SMC5: variants seen among roughly 807,000 people sequenced by gnomAD.
SMC5 encodes structural maintenance of chromosomes protein 5.
A neutral mutation model predicts 148.3 loss-of-function variants in SMC5; 88 were observed. The ratio of observed to expected loss-of-function variants is 0.59; its 90% confidence interval spans 0.50 to 0.71. The LOEUF is 0.71. Ranked by LOEUF, SMC5 falls within the 30% of genes least tolerant of loss-of-function variation. SMC5 has a pLI of 0.00. For missense variants in SMC5, 1,142 were observed against 1,298.9 expected (o/e 0.88, Z 1.86); for synonymous variants, 421 against 432.8 (o/e 0.97, Z 0.34).
At chr9:70,318,118 C>G (rs1221006363) in intron 13 of SMC5, among the ~76,000 whole-genome samples, 1 of 152,112 alleles carries the variant, frequency 6.6e-6, no homozygotes, top group Non-Finnish European at 1.5e-5. Context: ...TGCAGTGGCT[C>G]ACATCTGTAA....
chr9:70,294,981 T>C (rs765067474), intron 8 of SMC5, among the ~76,000 whole-genome samples: 6 of 152,156 alleles, frequency 3.9e-5, no homozygotes, highest in Non-Finnish European at 7.4e-5. Flanking sequence ...TGACAAAGTC[T>C]GACCCCAAGA....
At chr9:70,287,551 T>C (rs1222182091) in intron 8 of SMC5, among the ~76,000 whole-genome samples, 1 of 152,178 alleles carries the variant, frequency 6.6e-6, no homozygotes, top group Non-Finnish European at 1.5e-5. Context: ...GGGGTAGACA[T>C]GTAACTTCAG....
At position 70,287,485 on chromosome 9, in the gene SMC5, T is replaced by G. The variant is rs148478048; in HGVS notation, c.1053+1214T>G. ...TTGCTAACAGATGCCCAAATATATG[T>G]GTGTTTCTATTCTTCAGGACCATTC... On this transcript the variant is annotated intron_variant, in intron 8 of 24. Transcript: ENST00000361138. Among the ~76,000 whole-genome samples, 3 of 152,266 alleles carry G rather than the reference T, an allele frequency of 2.0e-5. No individual in the cohort carries two copies. In the East Asian group the frequency reaches 5.8e-4, roughly 29 times the overall value.
chr9:70,259,749 A>T (rs1412070626), intron 1 of SMC5, among the ~76,000 whole-genome samples: 1 of 152,164 alleles, frequency 6.6e-6, no homozygotes, highest in Non-Finnish European at 1.5e-5. Context: ...GTACAAAAAA[A>T]TTAAACACTT....
At chr9:70,287,809 T>C (rs1227230711) in intron 8 of SMC5, among the ~76,000 whole-genome samples, 14 of 152,180 alleles carry the variant, frequency 9.2e-5, no homozygotes, top group Non-Finnish European at 7.3e-5. Flanking sequence ...TACTTGGCAT[T>C]TCCTAGTCCT....
chr9:70,292,294 T>G (rs2035083942), intron 8 of SMC5, among the ~76,000 whole-genome samples: 1 of 152,200 alleles, frequency 6.6e-6, no homozygotes, highest in South Asian at 2.1e-4. Context: ...TTGAATCTTC[T>G]GGTCTATGAA....
rs577794579 is a variant in SMC5 at position 70,283,625 on chromosome 9, C to T, written c.981+1042C>T. On this transcript the variant is annotated intron_variant, in intron 7 of 24. Coordinates refer to ENST00000361138, the MANE Select transcript of SMC5 (RefSeq NM_015110.4). The stretch of plus-strand genomic sequence containing the variant: ...TATGAAACCAGAAAACCATTCACAA[C>T]CTTTGTGTACTGTATACCCCTGATG... 1.5e-4 allele frequency among the ~76,000 whole-genome samples: 23 copies of T among 152,196 alleles called. No homozygotes were observed. In the South Asian group the frequency reaches 4.6e-3, roughly 30 times the overall value.
chr9:70,309,219 A>C (rs2035589985), intron 11 of SMC5, among the ~76,000 whole-genome samples: 2 of 152,002 alleles, frequency 1.3e-5, no homozygotes, highest in South Asian at 4.2e-4. Context: ...AGAAGACAAC[A>C]ATAAAATTTA....
chr9:70,264,233 C>A, intron 1 of SMC5, 71 bp from the exon 2 acceptor site: 1 of 1,408,798 alleles, frequency 7.1e-7, no homozygotes, highest in Non-Finnish European at 9.7e-7. Context: ...TGAGGAAGCT[C>A]ATAGATAATG....
intron 9 of SMC5, among the ~76,000 whole-genome samples, 177 bp from the exon 10 acceptor site, chr9:70,299,869 G>A (rs895466719): frequency 6.6e-6 from 1 of 151,558 alleles, no homozygotes; most frequent in African/African-American, 2.4e-5. Context: ...TGTTTTCCCA[G>A]GTTTTTGGAC....
chr9:70,354,392 A>AT lies in SMC5; in HGVS notation c.*2067dup, dbSNP rs1327078149. The AT allele has an allele frequency of 6.6e-6, 1 of 151,966 alleles. No homozygotes were observed. Among genetic ancestry groups the AT allele is most frequent in the Non-Finnish European group, 1.5e-5 (1 of 68,004 alleles). 9.4% of individuals were successfully genotyped at this position (151,966 alleles called of 1,614,324 possible). On this transcript the variant is annotated 3_prime_UTR_variant, in exon 25 of 25. Transcript: ENST00000361138. ...AGGCGCGTCCCACCACACCCAGCTAATTTTTTATACTTTTAGTAGAGATGG... is the reference window on the plus strand; with the variant it reads ...AGGCGCGTCCCACCACACCCAGCTAATTTTTTTATACTTTTAGTAGAGATGG...
At chr9:70,308,492 G>C (rs2035565539) in intron 11 of SMC5, among the ~76,000 whole-genome samples, 1 of 148,772 alleles carries the variant, frequency 6.7e-6, no homozygotes. Context: ...TACTTGGAGA[G>C]GCTGAGGCAG....
intron 11 of SMC5, among the ~76,000 whole-genome samples, chr9:70,306,758 T>C (rs1478581625): frequency 6.6e-6 from 1 of 152,230 alleles, no homozygotes; most frequent in Non-Finnish European, 1.5e-5. Context: ...ACCTGTATTC[T>C]TTTTTCTTGT....
chr9:70,285,122 G>T (rs951311501), intron 7 of SMC5, among the ~76,000 whole-genome samples: 5 of 152,124 alleles, frequency 3.3e-5, no homozygotes, highest in Admixed American at 6.5e-5. Context: ...ACTAGCATCA[G>T]AAAATTAATT....
At chr9:70,297,287 G>A (rs186018585) in intron 8 of SMC5, among the ~76,000 whole-genome samples, 18 of 152,256 alleles carry the variant, frequency 1.2e-4, no homozygotes, top group Non-Finnish European at 1.8e-4. Flanking sequence ...TAAAGGTGTC[G>A]CTGTCTCAGC....
At chr9:70,302,506 T>A (rs186519759) in intron 10 of SMC5, among the ~76,000 whole-genome samples, 21,691 of 139,796 alleles carry the variant, frequency 0.16, 1,899 homozygotes, top group African/African-American at 0.24. Flanking sequence ...AAAAAAAATA[T>A]ATATATATAT....
chr9:70,282,614 G>T (rs781051122), intron 7 of SMC5, 31 bp downstream of exon 7: 8 of 1,529,470 alleles, frequency 5.2e-6, no homozygotes, highest in Non-Finnish European at 6.1e-6. Flanking sequence ...TGGATTATCT[G>T]AATTTTATTT....
Position 70,286,202 on chromosome 9 carries a change from A to G in SMC5, c.984A>G (p.Ala328=), listed in dbSNP as rs747558376. ...CTCTCCCCGGTTTAATTTTACAGGCAACAGATATTAAGGAGGCATCTCAAA... is the reference window on the plus strand; with the variant it reads ...CTCTCCCCGGTTTAATTTTACAGGCGACAGATATTAAGGAGGCATCTCAAA... ...HNLEARIKEK[A]TDIKEASQKC... is the part of the protein sequence containing the mutation. Residue 328 remains alanine, a splice_region_variant and synonymous_variant, in exon 8 of 25, where the codon GCA becomes GCG. Transcript: ENST00000361138. 5 of 1,286,110 alleles carry G rather than the reference A, an allele frequency of 3.9e-6. No homozygotes were observed. Among genetic ancestry groups the G allele is most frequent in the South Asian group, 3.6e-5 (3 of 82,438 alleles). The allele number at this position is 1,286,110 out of a possible 1,614,324, so 79.7% of individuals were successfully genotyped here. A position where few individuals can be genotyped will look rare whatever the true frequency, so the allele number is the denominator to read the frequency against.
intron 1 of SMC5, among the ~76,000 whole-genome samples, chr9:70,260,955 C>G (rs911923247): frequency 1.3e-5 from 2 of 152,040 alleles, no homozygotes; most frequent in Non-Finnish European, 2.9e-5. Context: ...GTTGCCCAGG[C>G]TAGTTTCGAA....
Sources: gnomAD v4.1 joint callset for allele counts (sites outside exome capture counted in the v4.1 genomes callset) on GRCh38, gnomAD v4.1.1 for gene constraint, MANE v1.5 for transcripts, NCBI Gene and HGNC (gene_info 2026-07-23, HGNC 2026-07-21) for gene names.